The following L3MBTL4 variants were observed in gnomAD, a reference collection of about 807,000 sequenced individuals.
L3MBTL4 encodes L3MBTL histone methyl-lysine binding protein 4, also known as lethal(3)malignant brain tumor-like protein 4.
Under a neutral mutation model 84.5 loss-of-function variants are expected in L3MBTL4, and 70 were observed. The ratio of observed to expected loss-of-function variants is 0.83; its 90% CI spans 0.68 to 1.01. The LOEUF (loss-of-function observed/expected upper bound fraction) is 1.01. Among genes scored for constraint, L3MBTL4 ranks in the 50% least tolerant of loss-of-function variants. The pLI, the probability that L3MBTL4 is intolerant of heterozygous loss-of-function variation, is 0.00. For missense variants in L3MBTL4, 715 were observed against 754.8 expected (o/e 0.95, Z 0.62); for synonymous variants, 274 against 259.8 (o/e 1.05, Z -0.52).
intron 1 of L3MBTL4, among the ~76,000 whole-genome samples, chr18:6,356,472 C>A (rs928614596): frequency 2.0e-5 from 3 of 152,168 alleles, no homozygotes; most frequent in Non-Finnish European, 2.9e-5. Context: ...CTAAGAAATG[C>A]GTTATTAGCA....
chr18:6,388,054 T>A (rs1488327569), intron 1 of L3MBTL4, among the ~76,000 whole-genome samples: 2 of 152,100 alleles, frequency 1.3e-5, no homozygotes, highest in Non-Finnish European at 2.9e-5. Context: ...CACATTAAAA[T>A]AACAATATGA....
intron 9 of L3MBTL4, among the ~76,000 whole-genome samples, chr18:6,239,155 A>C (rs953241576): frequency 2.0e-5 from 3 of 151,694 alleles, no homozygotes; most frequent in Admixed American, 6.6e-5. Context: ...TCCCGGCTAA[A>C]ACGGTGAAAC....
chr18:6,393,203 T>C (rs1340976423), intron 1 of L3MBTL4, among the ~76,000 whole-genome samples: 1 of 152,214 alleles, frequency 6.6e-6, no homozygotes, highest in African/African-American at 2.4e-5. Context: ...AATATTTGCT[T>C]TTTTAGATAT....
intron 14 of L3MBTL4, among the ~76,000 whole-genome samples, chr18:6,117,970 G>A (rs1185012286): frequency 6.6e-6 from 1 of 151,946 alleles, no homozygotes; most frequent in Non-Finnish European, 1.5e-5. Context: ...ACAGGCTCAG[G>A]TGCCTGAGAA....
intron 13 of L3MBTL4, among the ~76,000 whole-genome samples, chr18:6,150,984 T>G (rs992939723): frequency 7.9e-5 from 12 of 152,114 alleles, no homozygotes; most frequent in Non-Finnish European, 1.5e-4. Flanking sequence ...GCCATCCCAG[T>G]ACAGACTACA....
chr18:6,392,222 C>A (rs1278514682), intron 1 of L3MBTL4, among the ~76,000 whole-genome samples: 1 of 152,056 alleles, frequency 6.6e-6, no homozygotes, highest in Non-Finnish European at 1.5e-5. Context: ...AAGCATACAG[C>A]AACATAAATT....
chr18:6,015,666 A>C (rs1216838409), intron 16 of L3MBTL4, among the ~76,000 whole-genome samples: 1 of 152,204 alleles, frequency 6.6e-6, no homozygotes, highest in Non-Finnish European at 1.5e-5. Flanking sequence ...ACTTACAAAA[A>C]AATTAATCAT....
At chr18:6,131,267 T>C (rs2144528932) in intron 14 of L3MBTL4, among the ~76,000 whole-genome samples, 1 of 152,254 alleles carries the variant, frequency 6.6e-6, no homozygotes, top group Middle Eastern at 3.4e-3. Context: ...GCAGCTGAAA[T>C]TGCCACCTTC....
At chr18:6,398,664 G>A (rs549790405) in intron 1 of L3MBTL4, among the ~76,000 whole-genome samples, 6 of 136,974 alleles carry the variant, frequency 4.4e-5, no homozygotes, top group African/African-American at 1.6e-4. Flanking sequence ...GCCTATAGAT[G>A]TTTTGATTGT....
At chr18:6,178,589 A>G (rs754318173) in intron 12 of L3MBTL4, among the ~76,000 whole-genome samples, 12 of 152,302 alleles carry the variant, frequency 7.9e-5, no homozygotes, top group Non-Finnish European at 1.6e-4. Context: ...AAACATGTAG[A>G]CCCTTCTTGC....
intron 1 of L3MBTL4, among the ~76,000 whole-genome samples, chr18:6,318,990 T>C (rs1403359885): frequency 6.6e-6 from 1 of 152,074 alleles, no homozygotes; most frequent in African/African-American, 2.4e-5. Context: ...CTCAAAGCTA[T>C]ATAAATACAT....
chr18:6,351,665 C>A (rs1167849149), intron 1 of L3MBTL4, among the ~76,000 whole-genome samples: 1 of 151,984 alleles, frequency 6.6e-6, no homozygotes, highest in Non-Finnish European at 1.5e-5. Flanking sequence ...CATTCTCCTG[C>A]CTCAGCCTCC....
At chr18:6,331,862 C>T (rs547880019) in intron 1 of L3MBTL4, among the ~76,000 whole-genome samples, 25 of 150,208 alleles carry the variant, frequency 1.7e-4, no homozygotes, top group Middle Eastern at 3.5e-3. Context: ...GAAGATCAAG[C>T]GCTAAAAAGT....
intron 16 of L3MBTL4, chr18:6,030,128 T>C: frequency 1.1e-6 from 1 of 874,984 alleles, no homozygotes; most frequent in Non-Finnish European, 1.4e-6. Flanking sequence ...CCATCACTTG[T>C]GTAAATACAC....
intron 13 of L3MBTL4, among the ~76,000 whole-genome samples, chr18:6,144,196 CAAAAAAAAAA>C (rs35746580): frequency 6.9e-5 from 4 of 58,060 alleles, no homozygotes; most frequent in East Asian, 5.7e-4. Flanking sequence ...ACTCCATCTC[CAAAAAAAAAA>C]AAAAAAAAAA....
chr18:6,100,180 G>GT (rs1424528588), intron 14 of L3MBTL4, among the ~76,000 whole-genome samples: 1 of 152,206 alleles, frequency 6.6e-6, no homozygotes, highest in Admixed American at 6.5e-5. Flanking sequence ...ATCTTACAGG[G>GT]TTTTTTTGTG....
chr18:6,152,535 T>C (rs1040294514), intron 13 of L3MBTL4, among the ~76,000 whole-genome samples: 3 of 152,232 alleles, frequency 2.0e-5, no homozygotes, highest in Non-Finnish European at 2.9e-5. Context: ...TCCATCTGTA[T>C]GGCTTCTTCA....
At chr18:6,133,633 G>A (rs1049269497) in intron 14 of L3MBTL4, among the ~76,000 whole-genome samples, 1 of 152,160 alleles carries the variant, frequency 6.6e-6, no homozygotes, top group South Asian at 2.1e-4. Flanking sequence ...GCAGACATGA[G>A]CAGGGCGGGA....
intron 16 of L3MBTL4, among the ~76,000 whole-genome samples, chr18:6,007,179 T>C (rs1006220703): frequency 6.6e-6 from 1 of 151,654 alleles, no homozygotes; most frequent in East Asian, 1.9e-4. Context: ...AATGGGGTTT[T>C]AAAAAAAACC....
Sources: gnomAD v4.1 joint callset for allele counts (sites outside exome capture counted in the v4.1 genomes callset) on GRCh38, gnomAD v4.1.1 for gene constraint, MANE v1.5 for transcripts, NCBI Gene and HGNC (gene_info 2026-07-23, HGNC 2026-07-21) for gene names.